STX7: variants seen among roughly 807,000 people sequenced by gnomAD.
STX7 encodes the protein syntaxin-7.
STX7 carries 34 observed loss-of-function variants against 39.6 expected under a neutral mutation model. That is an observed-to-expected ratio of 0.86 (90% confidence interval 0.65 to 1.14). STX7 has a LOEUF of 1.14. Ranked by LOEUF, STX7 falls within the 50% of genes most tolerant of loss-of-function variation. The probability of loss-of-function intolerance (pLI) is 0.00; values close to 1 mark genes in which losing one functional copy is unlikely to be tolerated. For missense variants in STX7, 284 were observed against 310.4 expected, an observed-to-expected ratio of 0.92 and a Z score of 0.64; for synonymous variants, 119 against 99.1, an observed-to-expected ratio of 1.20 and a Z score of -1.19.
In STX7 at chr6:132,470,063, G is replaced by A. The variant is rs1335446057; in HGVS notation, c.441-16C>T. ...TTGAGTTTGGCTAACAGAAAAAAAT[G>A]AATGTGGAAAAAAACAAAGATTGGT... is the stretch of plus-strand genomic sequence containing the variant. On this transcript the variant is annotated splice_polypyrimidine_tract_variant and intron_variant, in intron 6 of 9. Transcript: ENST00000367941. 3 of 1,559,904 alleles carry A rather than the reference G, an allele frequency of 1.9e-6. No homozygotes were observed. Among genetic ancestry groups the A allele is most frequent in the African/African-American group, 1.4e-5 (1 of 71,382 alleles).
In STX7 at chr6:132,447,845, T is replaced by C. The variant is rs1015431614; in HGVS notation, c.*12913A>G. ...TTTTTTTTTTATTAATCTGGTGAGA[T>C]AGGCAATTTATATTTATTGTAACCA... is the stretch of plus-strand genomic sequence containing the variant. On this transcript the variant is annotated 3_prime_UTR_variant, in exon 10 of 10. Coordinates refer to ENST00000367941, the MANE Select transcript of STX7 (RefSeq NM_003569.3). The C allele has an allele frequency of 6.6e-6, 1 of 152,098 alleles. No homozygotes were observed. The highest frequency in any genetic ancestry group is 2.4e-5 in the African/African-American group (1 of 41,442). The allele number at this position is 152,098 out of a possible 1,614,324, so 9.4% of individuals were successfully genotyped here.
At chr6:132,479,898 A>G (rs189666290) in intron 2 of STX7, among the ~76,000 whole-genome samples, 2 of 152,316 alleles carry the variant, frequency 1.3e-5, no homozygotes, top group African/African-American at 2.4e-5. Context: ...AACACTTTCA[A>G]TAACGTGCTA....
At chr6:132,475,927 C>G (rs1010368984) in intron 2 of STX7, among the ~76,000 whole-genome samples, 1 of 152,086 alleles carries the variant, frequency 6.6e-6, no homozygotes, top group Non-Finnish European at 1.5e-5. Context: ...TCTTCCTTAT[C>G]CCATCAGGAT....
At chr6:132,494,153 T>A (rs1775364813) in intron 2 of STX7, among the ~76,000 whole-genome samples, 1 of 151,970 alleles carries the variant, frequency 6.6e-6, no homozygotes, top group Admixed American at 6.6e-5. Context: ...ACACTTAGGA[T>A]AAAATGTCTG....
Position 132,460,176 on chromosome 6 carries a change from C to T in STX7, c.*582G>A, listed in dbSNP as rs1276546043. On this transcript the variant is annotated 3_prime_UTR_variant, in exon 10 of 10. Transcript: ENST00000367941. ...CTTAATATATACACAGAAAGAGTAT[C>T]AAATAAACTAGAAAAGTATTCACCG... 6.6e-6 allele frequency: 1 copy of T among 152,018 alleles called. No homozygotes were observed. The highest frequency in any genetic ancestry group is 1.5e-5 in the Non-Finnish European group (1 of 68,004). 9.4% of individuals were successfully genotyped at this position (152,018 alleles called of 1,614,324 possible).
At chr6:132,486,815 G>A (rs1808020) in intron 2 of STX7, among the ~76,000 whole-genome samples, 34,336 of 151,582 alleles carry the variant, frequency 0.23, 4,458 homozygotes, top group East Asian at 0.65. Context: ...ACAGGTGCCC[G>A]CCACCATGCC....
At chr6:132,471,823 C>T (rs1483808127) in intron 4 of STX7, among the ~76,000 whole-genome samples, 1 of 152,158 alleles carries the variant, frequency 6.6e-6, no homozygotes, top group Non-Finnish European at 1.5e-5. Context: ...CAGGTTTTCA[C>T]GCTGCTAAAA....
At chr6:132,476,687 T>TTA (rs944047057) in intron 2 of STX7, among the ~76,000 whole-genome samples, 11 of 152,052 alleles carry the variant, frequency 7.2e-5, no homozygotes, top group African/African-American at 2.2e-4. Context: ...TACTATATAC[T>TTA]TATATATATA....
intron 2 of STX7, among the ~76,000 whole-genome samples, chr6:132,477,724 T>C (rs916597242): frequency 6.6e-6 from 1 of 152,136 alleles, no homozygotes; most frequent in African/African-American, 2.4e-5. Context: ...TTAAATGTTA[T>C]ACAAAAAATG....
At chr6:132,461,374 T>C (rs964153706) in intron 9 of STX7, among the ~76,000 whole-genome samples, 1 of 152,180 alleles carries the variant, frequency 6.6e-6, no homozygotes, top group African/African-American at 2.4e-5. Context: ...TGGCACAATC[T>C]TGGCTCACTG....
At chr6:132,475,800 G>A (rs1028838511) in intron 2 of STX7, 138 bp from the exon 3 acceptor site, 4 of 410,254 alleles carry the variant, frequency 9.8e-6, no homozygotes, top group South Asian at 8.8e-5. Flanking sequence ...ATATTAACTG[G>A]AAAAAAGAAT....
At position 132,462,920 on chromosome 6, in the gene STX7, T is replaced by A. The variant is rs781081048; in HGVS notation, c.693+1073A>T. The stretch of plus-strand genomic sequence containing the variant: ...TGAGAAGGTGACAATATCTTAGATA[T>A]TTTATAAGAAGTTAACAGCGGCTGG... On this transcript the variant is annotated intron_variant, in intron 9 of 9. Coordinates refer to ENST00000367941, the MANE Select transcript of STX7 (RefSeq NM_003569.3). Among the ~76,000 whole-genome samples the A allele has an allele frequency of 4.3e-4, 65 of 152,146 alleles. 2 individuals carry two copies. The highest frequency in any genetic ancestry group is 1.2e-4 in the Non-Finnish European group (8 of 68,016).
At chr6:132,511,245 C>T (rs1190399998) in intron 1 of STX7, among the ~76,000 whole-genome samples, 1 of 152,244 alleles carries the variant, frequency 6.6e-6, no homozygotes, top group Non-Finnish European at 1.5e-5. Context: ...CCAGTGCCTT[C>T]TTTCAGATAC....
chr6:132,512,697 C>T (rs988780846), intron 1 of STX7, among the ~76,000 whole-genome samples: 1 of 152,216 alleles, frequency 6.6e-6, no homozygotes, highest in African/African-American at 2.4e-5. Context: ...CTCCGCCAGC[C>T]GTGCGCCTCC....
rs1774089710 is a variant in STX7, at chr6:132,449,211, C to T, written c.*11547G>A. The T allele has an allele frequency of 6.6e-6, 1 of 152,180 alleles. No homozygotes were observed. Among genetic ancestry groups the T allele is most frequent in the African/African-American group, 2.4e-5 (1 of 41,376 alleles). The allele number at this position is 152,180 out of a possible 1,614,324, so 9.4% of individuals were successfully genotyped here. ...CCATGTTGCTCAGGCTGGTCTTAAA[C>T]TCTTGGGCTCAAGTGATCCTCCCAC... On this transcript the variant is annotated 3_prime_UTR_variant, in exon 10 of 10. Coordinates refer to ENST00000367941, the MANE Select transcript of STX7 (RefSeq NM_003569.3).
chr6:132,512,178 C>T (rs1337861550), intron 1 of STX7, among the ~76,000 whole-genome samples: 1 of 152,140 alleles, frequency 6.6e-6, no homozygotes, highest in African/African-American at 2.4e-5. Context: ...ACTTTCTTTT[C>T]TTCCAGATTC....
intron 1 of STX7, 90 bp from the exon 2 acceptor site, chr6:132,503,678 C>A: frequency 3.7e-6 from 2 of 540,874 alleles, no homozygotes. Context: ...CAAGGACAAA[C>A]TTGATTAATC....
chr6:132,474,412 C>T (rs1386064551), intron 3 of STX7, among the ~76,000 whole-genome samples: 2 of 151,738 alleles, frequency 1.3e-5, no homozygotes, highest in Non-Finnish European at 2.9e-5. Flanking sequence ...TGACACTTAC[C>T]CACTGTGGAA....
rs965045328 is a variant in STX7 at position 132,453,172 on chromosome 6, T to C, written c.*7586A>G. 1 of 152,160 alleles carries C rather than the reference T, an allele frequency of 6.6e-6. No homozygotes were observed. Among genetic ancestry groups the C allele is most frequent in the Non-Finnish European group, 1.5e-5 (1 of 67,986 alleles). The allele number at this position is 152,160 out of a possible 1,614,324, so 9.4% of individuals were successfully genotyped here. ...AAGAGCCTTTTCGACAAATATCATG[T>C]TGGAGTAATTGAATATCCATAGGCA... On this transcript the variant is annotated 3_prime_UTR_variant, in exon 10 of 10. Transcript: ENST00000367941.
Sources: gnomAD v4.1 joint callset for allele counts (sites outside exome capture counted in the v4.1 genomes callset) on GRCh38, gnomAD v4.1.1 for gene constraint, MANE v1.5 for transcripts, NCBI Gene and HGNC (gene_info 2026-07-23, HGNC 2026-07-21) for gene names.